Variants in VWA5B1 observed in about 807,000 individuals in gnomAD.
VWA5B1 encodes the protein von Willebrand factor A domain-containing protein 5B1.
A neutral mutation model predicts 118.2 loss-of-function variants in VWA5B1; 115 were observed. The ratio of observed to expected loss-of-function variants is 0.97; its 90% CI spans 0.84 to 1.14. The LOEUF is 1.14. VWA5B1 is among the 50% of genes most tolerant of loss of function. The pLI is 0.00. For missense variants in VWA5B1, 1,596 were observed against 1,603.8 expected (o/e 1.00, Z 0.08); for synonymous variants, 682 against 658.4 (o/e 1.04, Z -0.55).
chr1:20,311,729 C>A (rs1474428912), intron 2 of VWA5B1, among the ~76,000 whole-genome samples: 1 of 152,152 alleles, frequency 6.6e-6, no homozygotes, highest in African/African-American at 2.4e-5. Flanking sequence ...TGGTCACCAA[C>A]CTTTGGTGAC....
chr1:20,355,859 T>C lies in VWA5B1; in HGVS notation c.*1596T>C, dbSNP rs1047789281. Among the ~76,000 whole-genome samples the C allele has an allele frequency of 1.4e-5, 2 of 146,088 alleles. No individual in the cohort carries two copies. Among genetic ancestry groups the C allele is most frequent in the Non-Finnish European group, 3.0e-5 (2 of 66,300 alleles). ...CCCGCGAGGGATTCTCACAGCCCTT[T>C]TGAATACTTAAGATGAAATCCCATT... On this transcript the variant is annotated 3_prime_UTR_variant, in exon 22 of 22. Coordinates refer to ENST00000289815, the MANE Select transcript of VWA5B1 (RefSeq NM_001039500.3).
At chr1:20,319,594 G>T in intron 7 of VWA5B1, 88 bp downstream of exon 7, 1 of 1,513,368 alleles carries the variant, frequency 6.6e-7, no homozygotes, top group South Asian at 1.3e-5. Context: ...AGGTGGGGAG[G>T]TAACCTGCCC....
At chr1:20,309,591 G>A (rs563672841) in intron 1 of VWA5B1, among the ~76,000 whole-genome samples, 9 of 152,336 alleles carry the variant, frequency 5.9e-5, no homozygotes, top group Admixed American at 2.0e-4. Context: ...GGCCAGCAGG[G>A]GCCCAACCCC....
chr1:20,327,648 G>C (rs1256211187), intron 8 of VWA5B1, among the ~76,000 whole-genome samples: 1 of 149,978 alleles, frequency 6.7e-6, no homozygotes, highest in Non-Finnish European at 1.5e-5. Flanking sequence ...TGACGACGAC[G>C]ACGATGATGA....
chr1:20,343,503 G>C, intron 16 of VWA5B1, 110 bp downstream of exon 16: 1 of 1,353,658 alleles, frequency 7.4e-7, no homozygotes, highest in African/African-American at 2.1e-5. Flanking sequence ...TCAGCCCCGC[G>C]TGGTCCGCCC....
At chr1:20,303,563 G>T (rs143626879) in intron 1 of VWA5B1, among the ~76,000 whole-genome samples, 2 of 152,158 alleles carry the variant, frequency 1.3e-5, no homozygotes. Context: ...ACTTGCTCAA[G>T]AATACGCAAA....
intron 1 of VWA5B1, among the ~76,000 whole-genome samples, chr1:20,309,916 TG>T (rs2088793966): frequency 8.1e-6 from 1 of 123,772 alleles, no homozygotes; most frequent in African/African-American, 3.0e-5. Flanking sequence ...GCTGTGTGTG[TG>T]TGTGTGTGTG....
At chr1:20,300,726 T>TA (rs1485007590) in intron 1 of VWA5B1, among the ~76,000 whole-genome samples, 1 of 152,218 alleles carries the variant, frequency 6.6e-6, no homozygotes, top group African/African-American at 2.4e-5. Context: ...CATGGCTCAA[T>TA]ATGTGTTAGC....
intron 14 of VWA5B1, 121 bp downstream of exon 14, chr1:20,337,957 C>G (rs1364461930): frequency 7.9e-7 from 1 of 1,268,220 alleles, no homozygotes; most frequent in Non-Finnish European, 1.1e-6. Context: ...GTGAGTCACT[C>G]CCTCTTTCCT....
intron 16 of VWA5B1, among the ~76,000 whole-genome samples, chr1:20,344,654 G>A (rs1313306719): frequency 1.3e-5 from 2 of 152,214 alleles, no homozygotes; most frequent in Non-Finnish European, 2.9e-5. Flanking sequence ...TGACTGGTGG[G>A]ATCTTGATGG....
At chr1:20,328,159 G>T (rs2089443620) in intron 9 of VWA5B1, among the ~76,000 whole-genome samples, 159 bp downstream of exon 9, 1 of 152,112 alleles carries the variant, frequency 6.6e-6, no homozygotes, top group South Asian at 2.1e-4. Context: ...GAACTGAAGA[G>T]AAACTATCTC....
In VWA5B1 at chr1:20,354,272, C is replaced by T. The variant is rs781325478; in HGVS notation, c.*9C>T. On this transcript the variant is annotated 3_prime_UTR_variant, in exon 22 of 22. Transcript: ENST00000289815. ...ACCCGAATTATGTGTAGTTGAGTGA[C>T]GGGGAGGCTGGGTGGAGGGAAGGGT... is the stretch of plus-strand genomic sequence containing the variant. The T allele has an allele frequency of 2.3e-4, 291 of 1,241,082 alleles. 3 individuals carry two copies. Among genetic ancestry groups the T allele is most frequent in the South Asian group, 1.7e-3 (127 of 72,750 alleles). 76.9% of individuals were successfully genotyped at this position (1,241,082 alleles called of 1,614,324 possible).
In VWA5B1 at chr1:20,319,284, T is replaced by C; in HGVS notation, c.842-98T>C. The C allele has an allele frequency of 6.0e-6, 9 of 1,489,094 alleles. No homozygotes were observed. In the South Asian group the frequency reaches 1.2e-4, roughly 20 times the overall value. 92.2% of individuals were successfully genotyped at this position (1,489,094 alleles called of 1,614,324 possible). A position where few individuals can be genotyped will look rare whatever the true frequency, so the allele number is the denominator to read the frequency against. Reference sequence around the variant, plus strand: ...CTTCCACCCCGCTTCCAAATGGGAGTCCCACCCCTGTGAGAATCTTGCACC... The same window carrying C: ...CTTCCACCCCGCTTCCAAATGGGAGCCCCACCCCTGTGAGAATCTTGCACC... On this transcript the variant is annotated intron_variant, in intron 6 of 21. Transcript: ENST00000289815.
intron 4 of VWA5B1, 55 bp from the exon 5 acceptor site, chr1:20,317,475 G>A: frequency 6.5e-7 from 1 of 1,538,172 alleles, no homozygotes; most frequent in East Asian, 2.5e-5. Flanking sequence ...TTCTCGCGCT[G>A]GACCCCTTCT....
intron 14 of VWA5B1, among the ~76,000 whole-genome samples, chr1:20,340,199 G>GCA (rs142332871): frequency 0.18 from 27,198 of 148,696 alleles, 3,120 homozygotes; most frequent in East Asian, 0.51. Context: ...ATATGTGCGC[G>GCA]CACACACACA....
chr1:20,291,153 A>G, intron 1 of VWA5B1, 65 bp downstream of exon 1: 1 of 130,060 alleles, frequency 7.7e-6, no homozygotes, highest in Non-Finnish European at 1.7e-5. Flanking sequence ...TGGGTGGGCA[A>G]GGGCATGCAT....
chr1:20,336,259 C>T, intron 12 of VWA5B1, 44 bp from the exon 13 acceptor site: 1 of 1,311,034 alleles, frequency 7.6e-7, no homozygotes, highest in Non-Finnish European at 9.8e-7. Context: ...TCCTTCCTGA[C>T]ACCTAGCCTC....
chr1:20,317,454 C>A, intron 4 of VWA5B1, 76 bp from the exon 5 acceptor site: 1 of 1,509,532 alleles, frequency 6.6e-7, no homozygotes. Context: ...ACTCATCGTC[C>A]TCTCCTTGTC....
chr1:20,314,728 G>C (rs1341016695), intron 4 of VWA5B1, 136 bp downstream of exon 4: 3 of 1,428,738 alleles, frequency 2.1e-6, no homozygotes, highest in Non-Finnish European at 2.8e-6. Flanking sequence ...GCCACCCTCT[G>C]AGCCATTTGC....
Sources: gnomAD v4.1 joint callset for allele counts (sites outside exome capture counted in the v4.1 genomes callset) on GRCh38, gnomAD v4.1.1 for gene constraint, MANE v1.5 for transcripts, NCBI Gene and HGNC (gene_info 2026-07-23, HGNC 2026-07-21) for gene names.